The following SLC25A26 variants were observed in gnomAD, a reference collection of about 807,000 sequenced individuals.
SLC25A26 encodes solute carrier family 25 member 26.
SLC25A26 carries 36 observed loss-of-function variants against 37.8 expected under a neutral mutation model. The ratio of observed to expected loss-of-function variants is 0.95; its 90% confidence interval spans 0.73 to 1.26. The LOEUF (loss-of-function observed/expected upper bound fraction) is 1.26. Among genes scored for constraint, SLC25A26 ranks in the 50% most tolerant of loss-of-function variants. SLC25A26 has a pLI of 0.00. For synonymous variants in SLC25A26, 129 were observed against 122.5 expected (o/e 1.05, Z -0.35); for missense variants, 390 against 331.1 (o/e 1.18, Z -1.38).
chr3:66,236,218 T>G (rs1407699543), intron 1 of SLC25A26, among the ~76,000 whole-genome samples: 1 of 149,260 alleles, frequency 6.7e-6, no homozygotes, highest in African/African-American at 2.5e-5. Context: ...TTTTTTTTTT[T>G]TTTTTTTTTT....
At chr3:66,153,671 G>T (rs2070237959) in intron 1 of SLC25A26, among the ~76,000 whole-genome samples, 1 of 152,226 alleles carries the variant, frequency 6.6e-6, no homozygotes, top group Non-Finnish European at 1.5e-5. Context: ...CTTGAGCCAG[G>T]AATGCAAGTC....
At chr3:66,244,227 G>A (rs139974367) in intron 3 of SLC25A26, among the ~76,000 whole-genome samples, 51 of 152,198 alleles carry the variant, frequency 3.4e-4, no homozygotes, top group African/African-American at 1.2e-3. Context: ...AATACGTAAG[G>A]CAAAAAACAA....
At chr3:66,183,973 C>T (rs1320181451) in intron 1 of SLC25A26, among the ~76,000 whole-genome samples, 1 of 152,106 alleles carries the variant, frequency 6.6e-6, no homozygotes, top group African/African-American at 2.4e-5. Context: ...TTTTCATTCT[C>T]ACACTGGTGT....
rs1306229410 is a variant in SLC25A26, at chr3:66,134,275, A to G, written c.-354+291A>G. ...TTATTTTGTAATGTTAGCCCTGGTT[A>G]CACAGCACCATTAATTACTGAACAT... is the stretch of plus-strand genomic sequence containing the variant. On this transcript the variant is annotated intron_variant, in intron 1 of 10. Coordinates refer to the SLC25A26 transcript ENST00000676754. Among the ~76,000 whole-genome samples, 5 of 152,354 alleles carry G rather than the reference A, an allele frequency of 3.3e-5. No individual in the cohort carries two copies. The South Asian group carries it at 8.3e-4, about 25-fold the overall frequency.
chr3:66,247,374 T>C (rs1346570665), intron 3 of SLC25A26, among the ~76,000 whole-genome samples: 1 of 152,108 alleles, frequency 6.6e-6, no homozygotes, highest in African/African-American at 2.4e-5. Context: ...AGTGATGTGG[T>C]CATAGCTGCT....
chr3:66,286,332 A>G (rs1007185225), intron 5 of SLC25A26, among the ~76,000 whole-genome samples: 1 of 152,166 alleles, frequency 6.6e-6, no homozygotes, highest in Non-Finnish European at 1.5e-5. Flanking sequence ...TCTATGTTTT[A>G]CATTTACATC....
chr3:66,362,770 T>C, intron 6 of SLC25A26, 90 bp from the exon 7 acceptor site: 1 of 777,792 alleles, frequency 1.3e-6, no homozygotes, highest in Non-Finnish European at 2.0e-6. Flanking sequence ...AGCTTCTCAC[T>C]TAAGTTCCCA....
chr3:66,230,344 A>C (rs868992740), intron 1 of SLC25A26, among the ~76,000 whole-genome samples: 1 of 152,158 alleles, frequency 6.6e-6, no homozygotes, highest in Non-Finnish European at 1.5e-5. Context: ...CATAGCATTT[A>C]ATTCTGACTG....
At chr3:66,152,201 G>A (rs2106694016) in intron 1 of SLC25A26, among the ~76,000 whole-genome samples, 1 of 152,318 alleles carries the variant, frequency 6.6e-6, no homozygotes, top group Non-Finnish European at 1.5e-5. Flanking sequence ...GATCTGGAGA[G>A]GAGCCTGAGA....
intron 5 of SLC25A26, among the ~76,000 whole-genome samples, chr3:66,299,313 C>A (rs1210763649): frequency 6.6e-6 from 1 of 152,096 alleles, no homozygotes; most frequent in Non-Finnish European, 1.5e-5. Flanking sequence ...ATGTCTCAGC[C>A]TCCCGAGTAG....
chr3:66,307,203 G>T (rs2075251017), intron 5 of SLC25A26, among the ~76,000 whole-genome samples: 1 of 152,206 alleles, frequency 6.6e-6, no homozygotes, highest in South Asian at 2.1e-4. Flanking sequence ...CATTGTAACT[G>T]GAGTGAGATG....
chr3:66,190,399 A>G (rs980322750), intron 1 of SLC25A26, among the ~76,000 whole-genome samples: 51 of 152,200 alleles, frequency 3.4e-4, no homozygotes, highest in African/African-American at 1.2e-3. Flanking sequence ...GGTAAAGCAT[A>G]GGTTAATGCT....
chr3:66,225,226 A>G (rs951124189), intron 1 of SLC25A26, among the ~76,000 whole-genome samples: 1 of 152,142 alleles, frequency 6.6e-6, no homozygotes, highest in African/African-American at 2.4e-5. Context: ...CCACCCCTGC[A>G]GCACACCTCG....
At position 66,377,737 on chromosome 3, in the gene SLC25A26, G is replaced by A; in HGVS notation, c.755G>A (p.Gly252Asp). 1.2e-6 allele frequency: 2 copies of A among 1,613,886 alleles called. No individual in the cohort carries two copies. Among genetic ancestry groups the A allele is most frequent in the Non-Finnish European group, 1.7e-6 (2 of 1,179,868 alleles). The change falls in exon 10 of 10, where the codon GGT (glycine) becomes GAT (aspartate). Residue 252 changes from glycine to aspartate, a missense_variant. Coordinates refer to ENST00000354883, the MANE Select transcript of SLC25A26 (RefSeq NM_001379210.1). ...FPRMAAISLG[G>D]FIFLGAYDRT... ...CGAATGGCAGCCATCAGTCTGGGAG[G>A]TTTCATCTTTCTGGGGGCTTATGAC...
intron 1 of SLC25A26, among the ~76,000 whole-genome samples, chr3:66,136,000 A>G (rs1289228089): frequency 6.6e-6 from 1 of 152,238 alleles, no homozygotes; most frequent in African/African-American, 2.4e-5. Context: ...GTTAACTTGA[A>G]AAGTGTTTTA....
At chr3:66,225,910 T>C (rs968143625) in intron 1 of SLC25A26, among the ~76,000 whole-genome samples, 1 of 152,194 alleles carries the variant, frequency 6.6e-6, no homozygotes, top group Admixed American at 6.5e-5. Flanking sequence ...CTGGATTTTA[T>C]TGTCCATCTC....
At chr3:66,220,953 C>T (rs2071456358), upstream of SLC25A26, 2 of 873,932 alleles carry the variant, frequency 2.3e-6, no homozygotes, top group Admixed American at 4.3e-5. Context: ...TCGCGTTGCA[C>T]GTGCAGTTGT....
chr3:66,342,512 T>A (rs1025813053), intron 5 of SLC25A26, among the ~76,000 whole-genome samples: 2 of 152,240 alleles, frequency 1.3e-5, no homozygotes, highest in Non-Finnish European at 2.9e-5. Context: ...AGTTGTATTC[T>A]AAATCACTTT....
At chr3:66,292,868 C>A (rs1003750827) in intron 5 of SLC25A26, among the ~76,000 whole-genome samples, 11 of 152,114 alleles carry the variant, frequency 7.2e-5, no homozygotes, top group Non-Finnish European at 5.9e-5. Context: ...TGGATAATAT[C>A]CTGCAGAGTA....
Sources: gnomAD v4.1 joint callset for allele counts (sites outside exome capture counted in the v4.1 genomes callset) on GRCh38, gnomAD v4.1.1 for gene constraint, MANE v1.5 for transcripts, NCBI Gene and HGNC (gene_info 2026-07-23, HGNC 2026-07-21) for gene names.